Variants in CEP85L observed in about 807,000 individuals in gnomAD.
CEP85L encodes centrosomal protein of 85 kDa-like.
In CEP85L, 60 loss-of-function variants were observed where a neutral mutation model predicts 100.3. The ratio of observed to expected loss-of-function variants is 0.60; its 90% CI spans 0.49 to 0.74. The LOEUF is 0.74. CEP85L is among the 30% of genes least tolerant of loss of function. The probability of loss-of-function intolerance (pLI) is 0.00; values close to 1 mark genes in which losing one functional copy is unlikely to be tolerated. For synonymous variants in CEP85L, 319 were observed against 322.7 expected, an observed-to-expected ratio of 0.99 and a Z score of 0.12; for missense variants, 973 against 936.2, an observed-to-expected ratio of 1.04 and a Z score of -0.51.
At chr6:118,496,861 G>T (rs1041168462) in intron 5 of CEP85L, among the ~76,000 whole-genome samples, 4 of 152,184 alleles carry the variant, frequency 2.6e-5, no homozygotes, top group African/African-American at 9.7e-5. Flanking sequence ...TGACAACGGT[G>T]TTCAAGTCAA....
intron 1 of CEP85L, among the ~76,000 whole-genome samples, chr6:118,687,776 C>T (rs375878212): frequency 2.0e-5 from 3 of 152,166 alleles, no homozygotes; most frequent in Admixed American, 1.3e-4. Context: ...TGTTTGCCGC[C>T]GTTGCAGACC....
At chr6:118,526,031 T>C (rs1004349133) in intron 3 of CEP85L, among the ~76,000 whole-genome samples, 9 of 152,150 alleles carry the variant, frequency 5.9e-5, no homozygotes, top group African/African-American at 9.7e-5. Flanking sequence ...GGAGACAGGA[T>C]AGGATGAACA....
At chr6:118,470,186 A>G (rs933665208) in intron 11 of CEP85L, among the ~76,000 whole-genome samples, 5 of 152,136 alleles carry the variant, frequency 3.3e-5, no homozygotes, top group Admixed American at 6.5e-5. Flanking sequence ...CTACCTTCTT[A>G]TCTTGAAAAC....
At chr6:118,607,084 T>G (rs1231255940) in intron 2 of CEP85L, among the ~76,000 whole-genome samples, 1 of 152,120 alleles carries the variant, frequency 6.6e-6, no homozygotes, top group Non-Finnish European at 1.5e-5. Context: ...TTTTTTTTCG[T>G]TCTGGCCAGA....
rs560051063 is a variant in CEP85L, at chr6:118,590,981, C to T, written c.233-24665G>A. Among the ~76,000 whole-genome samples, 3 of 152,240 alleles carry T rather than the reference C, an allele frequency of 2.0e-5. No individual in the cohort carries two copies. The East Asian group carries it at 5.8e-4, about 29-fold the overall frequency. On this transcript the variant is annotated intron_variant, in intron 2 of 12. Transcript: ENST00000368491. ...TCACGATTGTGTGACAAGAGCCCTT[C>T]CAGGTCCATGGGTTCTTCACACATC...
At chr6:118,692,072 G>C (rs1777062757) in intron 1 of CEP85L, among the ~76,000 whole-genome samples, 1 of 152,026 alleles carries the variant, frequency 6.6e-6, no homozygotes, top group South Asian at 2.1e-4. Context: ...CTCAGGGCGA[G>C]GGGACAAGGC....
chr6:118,645,841 T>C (rs1775146210), intron 1 of CEP85L, among the ~76,000 whole-genome samples: 1 of 152,232 alleles, frequency 6.6e-6, no homozygotes, highest in Admixed American at 6.5e-5. Flanking sequence ...TCACAAACAT[T>C]TCTAATGCCA....
Position 118,465,341 on chromosome 6 carries a change from T to TA in CEP85L, c.*63dup. 1 of 1,480,316 alleles carries TA rather than the reference T, an allele frequency of 6.8e-7. No homozygotes were observed. The highest frequency in any genetic ancestry group is 9.1e-7 in the Non-Finnish European group (1 of 1,095,020). 91.7% of individuals were successfully genotyped at this position (1,480,316 alleles called of 1,614,324 possible). A position where few individuals can be genotyped will look rare whatever the true frequency, so the allele number is the denominator to read the frequency against. ...AGTCATGTCACTTGCAACCTTCCAT[T>TA]ATGGCTCCATAACACAGCAGCATTT... is the stretch of plus-strand genomic sequence containing the variant. On this transcript the variant is annotated 3_prime_UTR_variant, in exon 13 of 13. Coordinates refer to ENST00000368491, the MANE Select transcript of CEP85L (RefSeq NM_001042475.3).
At chr6:118,575,032 C>T (rs762892236) in intron 2 of CEP85L, among the ~76,000 whole-genome samples, 2 of 152,052 alleles carry the variant, frequency 1.3e-5, no homozygotes, top group East Asian at 3.9e-4. Flanking sequence ...CTCTAGTAAA[C>T]AGAGGTTGAG....
intron 2 of CEP85L, among the ~76,000 whole-genome samples, chr6:118,625,821 C>T (rs1021313229): frequency 3.9e-5 from 6 of 152,154 alleles, no homozygotes; most frequent in African/African-American, 4.8e-5. Context: ...CACTCGCCTT[C>T]GGTCCCTGTA....
At chr6:118,658,349 T>C (rs1775866174) in intron 1 of CEP85L, among the ~76,000 whole-genome samples, 2 of 152,244 alleles carry the variant, frequency 1.3e-5, no homozygotes, top group Admixed American at 1.3e-4. Context: ...CAGACACAAG[T>C]GTGAAGGATC....
intron 10 of CEP85L, 63 bp from the exon 11 acceptor site, chr6:118,470,707 G>C (rs934619232): frequency 7.9e-5 from 70 of 882,256 alleles, no homozygotes; most frequent in Non-Finnish European, 1.1e-4. Flanking sequence ...ATCTCAAACA[G>C]AAAGAAGTAG....
In CEP85L at chr6:118,576,387, C is replaced by T. The variant is rs1004258849; in HGVS notation, c.233-10071G>A. On this transcript the variant is annotated intron_variant, in intron 2 of 12. Transcript: ENST00000368491. ...TCCGGAAAGCCGAAAAAGGGTGAAC[C>T]CACCACACAAGTGAAGAAGGCCCCA... Among the ~76,000 whole-genome samples, 11 of 152,210 alleles carry T rather than the reference C, an allele frequency of 7.2e-5. 1 individual carries two copies. Among genetic ancestry groups the T allele is most frequent in the Admixed American group, 6.5e-4 (10 of 15,278 alleles).
At chr6:118,672,377 T>A (rs1776334616) in intron 1 of CEP85L, among the ~76,000 whole-genome samples, 1 of 152,174 alleles carries the variant, frequency 6.6e-6, no homozygotes, top group Non-Finnish European at 1.5e-5. Flanking sequence ...AAAGTTAATT[T>A]TTTTTAATAT....
chr6:118,692,011 G>A (rs1439661660), intron 1 of CEP85L, among the ~76,000 whole-genome samples: 4 of 152,166 alleles, frequency 2.6e-5, no homozygotes, highest in East Asian at 1.9e-4. Flanking sequence ...GAAGCTTGTC[G>A]TTATTACCAG....
chr6:118,558,307 G>A (rs917995286), intron 3 of CEP85L, among the ~76,000 whole-genome samples: 8 of 152,070 alleles, frequency 5.3e-5, no homozygotes, highest in African/African-American at 1.7e-4. Flanking sequence ...TTCTCTCAAC[G>A]TTTAATATTA....
chr6:118,641,271 T>C (rs1353620780), intron 1 of CEP85L, among the ~76,000 whole-genome samples: 1 of 152,196 alleles, frequency 6.6e-6, no homozygotes, highest in Non-Finnish European at 1.5e-5. Flanking sequence ...ATCTCTCTGA[T>C]AACCACCACT....
chr6:118,616,539 GA>G (rs1385611397), intron 2 of CEP85L, among the ~76,000 whole-genome samples: 39 of 126,234 alleles, frequency 3.1e-4, no homozygotes, highest in Admixed American at 3.3e-4. Context: ...TCAAAACAAT[GA>G]AAAAAAAAAA....
At chr6:118,537,861 A>T in intron 3 of CEP85L, 1 of 985,290 alleles carries the variant, frequency 1.0e-6, no homozygotes, top group Non-Finnish European at 1.2e-6. Context: ...CATGTCACGT[A>T]ACACAGTAAA....
Sources: gnomAD v4.1 joint callset for allele counts (sites outside exome capture counted in the v4.1 genomes callset) on GRCh38, gnomAD v4.1.1 for gene constraint, MANE v1.5 for transcripts, NCBI Gene and HGNC (gene_info 2026-07-23, HGNC 2026-07-21) for gene names.